Variants in LILRB1 observed in about 807,000 individuals in gnomAD.
LILRB1 encodes the protein leukocyte immunoglobulin-like receptor subfamily B member 1.
In LILRB1, 59 loss-of-function variants were observed where a neutral mutation model predicts 74.6. That is an observed-to-expected ratio of 0.79 (90% CI 0.64 to 0.98). The LOEUF is 0.98. LILRB1 is among the 50% of genes least tolerant of loss of function. The pLI is 0.00. For missense variants in LILRB1, 804 were observed against 822.6 expected, an observed-to-expected ratio of 0.98 and a Z score of 0.28; for synonymous variants, 328 against 333.9, an observed-to-expected ratio of 0.98 and a Z score of 0.19.
At chr19:54,631,859 C>G in intron 4 of LILRB1, 72 bp downstream of exon 4, 3 of 1,606,180 alleles carry the variant, frequency 1.9e-6, no homozygotes, top group Non-Finnish European at 2.6e-6. Context: ...AGGGGCTTCT[C>G]CCTCTCACAG....
intron 1 of LILRB1, among the ~76,000 whole-genome samples, chr19:54,620,584 C>T (rs866307061): frequency 6.6e-6 from 1 of 152,112 alleles, no homozygotes; most frequent in Non-Finnish European, 1.5e-5. Flanking sequence ...GGAGGTTATT[C>T]CAGAGAGAAC....
chr19:54,623,867 G>T (rs1332453041), intron 1 of LILRB1, among the ~76,000 whole-genome samples: 2 of 152,200 alleles, frequency 1.3e-5, no homozygotes, highest in Non-Finnish European at 2.9e-5. Context: ...GGCCCCGCAG[G>T]GAGGGTGACT....
Position 54,632,517 on chromosome 19 carries a change from G to T in LILRB1, c.715G>T (p.Glu239Ter). 1 of 1,614,088 alleles carries T rather than the reference G, an allele frequency of 6.2e-7. No homozygotes were observed. Among genetic ancestry groups the T allele is most frequent in the Non-Finnish European group, 8.5e-7 (1 of 1,179,974 alleles). The change falls in exon 6 of 15, where the codon GAG becomes TAG. Residue 239 changes from glutamate (E) to a stop codon, truncating the protein, a stop_gained. Transcript: ENST00000324602. LOFTEE classifies it high-confidence loss of function. ...GCAGCCAGGTCCTATCGTGGCCCCT[G>T]AGGAGACCCTGACTCTGCAGTGTGG... ...SVQPGPIVAP[E>*]ETLTLQCGSD...
In LILRB1 at chr19:54,631,106, C is replaced by T. The variant is rs143156834; in HGVS notation, c.33C>T (p.Leu11=). The T allele has an allele frequency of 5.2e-4, 841 of 1,614,126 alleles. 1 individual carries two copies. In the East Asian group the frequency reaches 0.015, roughly 28 times the overall value. Reference sequence around the variant, plus strand: ...CCATCCTCACGGTCCTGATCTGTCTCGGTGAGATTTGAAGAAGGAGGGGAG... The same window carrying T: ...CCATCCTCACGGTCCTGATCTGTCTTGGTGAGATTTGAAGAAGGAGGGGAG... MTPILTVLIC[L]GLSLGPRTHV... The change falls in exon 2 of 15, where the codon CTC becomes CTT. Residue 11 remains leucine, a splice_region_variant and synonymous_variant. Coordinates refer to ENST00000324602, the MANE Select transcript of LILRB1 (RefSeq NM_001081637.3).
chr19:54,636,325 G>A, intron 13 of LILRB1, 169 bp from the exon 14 acceptor site: 5 of 1,347,392 alleles, frequency 3.7e-6, no homozygotes, highest in Non-Finnish European at 5.0e-6. Flanking sequence ...GTGAGGAGCA[G>A]AGGCCAGAAC....
chr19:54,636,202 C>A, intron 13 of LILRB1: 1 of 593,966 alleles, frequency 1.7e-6, no homozygotes, highest in South Asian at 1.9e-5. Context: ...GCACACGATC[C>A]TCTGATGGAC....
intron 1 of LILRB1, among the ~76,000 whole-genome samples, chr19:54,618,977 G>C (rs758771362): frequency 3.6e-4 from 54 of 151,952 alleles, no homozygotes; most frequent in Non-Finnish European, 7.4e-4. Context: ...TTAAATAATA[G>C]ATATTAATTG....
intron 1 of LILRB1, among the ~76,000 whole-genome samples, chr19:54,619,458 C>T (rs1427641627): frequency 2.0e-5 from 3 of 152,066 alleles, no homozygotes; most frequent in Non-Finnish European, 4.4e-5. Context: ...TTGGTTAAAA[C>T]AAGGTTTTAG....
At chr19:54,621,348 A>T (rs2063450639) in intron 1 of LILRB1, among the ~76,000 whole-genome samples, 1 of 152,194 alleles carries the variant, frequency 6.6e-6, no homozygotes, top group South Asian at 2.1e-4. Context: ...GTTGGTTCTG[A>T]CTTCTTAAAA....
chr19:54,621,654 T>A (rs369090494), intron 1 of LILRB1, among the ~76,000 whole-genome samples: 4 of 152,188 alleles, frequency 2.6e-5, no homozygotes, highest in African/African-American at 9.7e-5. Flanking sequence ...GTTCATTCTG[T>A]TGATTGTTTC....
chr19:54,633,183 C>A lies in LILRB1; in HGVS notation c.1126C>A (p.Gln376Lys). The A allele has an allele frequency of 4.3e-6, 7 of 1,614,170 alleles. No individual in the cohort carries two copies. The highest frequency in any genetic ancestry group is 5.9e-6 in the Non-Finnish European group (7 of 1,180,006). ...GCGTCTAAGATCAACGTACCAATCT[C>A]AAAAATACCAGGCTGAATTCCCCAT... ...PWRLRSTYQS[Q>K]KYQAEFPMGP... The change falls in exon 7 of 15, where the codon CAA (glutamine) becomes AAA (lysine). Residue 376 changes from glutamine (Q) to lysine (K), a missense_variant. Gln to Lys is a moderately conservative substitution (Grantham distance 53, BLOSUM62 1). Transcript: ENST00000324602.
chr19:54,619,850 A>G (rs1282559837), intron 1 of LILRB1, among the ~76,000 whole-genome samples: 2 of 152,064 alleles, frequency 1.3e-5, no homozygotes. Context: ...ACACTAGCTA[A>G]GATGCCTTTG....
chr19:54,634,852 G>C, intron 10 of LILRB1, 89 bp downstream of exon 10: 1 of 1,546,722 alleles, frequency 6.5e-7, no homozygotes, highest in Non-Finnish European at 8.7e-7. Context: ...GGCAAATGCA[G>C]CTTTGAGAAA....
Position 54,636,861 on chromosome 19 carries a change from A to G in LILRB1, c.1942A>G (p.Thr648Ala), listed in dbSNP as rs1314681577. Residue 648 changes from threonine (T) to alanine (A), a missense_variant, in exon 15 of 15, where the codon ACT becomes GCT. By Grantham distance (58) the Thr-to-Ala change is moderately conservative. Transcript: ENST00000324602. ...TCCAGCTGTGCCCAGCATCTACGCCACTCTGGCCATCCACTAGCCCAGGGG... is the reference window on the plus strand; with the variant it reads ...TCCAGCTGTGCCCAGCATCTACGCCGCTCTGGCCATCCACTAGCCCAGGGG... ...PSPAVPSIYA[T>A]LAIH is the part of the protein sequence containing the mutation. 2 of 1,612,930 alleles carry G rather than the reference A, an allele frequency of 1.2e-6. No homozygotes were observed. Among genetic ancestry groups the G allele is most frequent in the Admixed American group, 1.7e-5 (1 of 59,970 alleles).
At chr19:54,632,879 G>A in intron 6 of LILRB1, 119 bp downstream of exon 6, 1 of 1,510,768 alleles carries the variant, frequency 6.6e-7, no homozygotes, top group South Asian at 1.2e-5. Context: ...GAGACAGACA[G>A]AGACAGGGGA....
chr19:54,616,997 T>G (rs1667436484), upstream of LILRB1, among the ~76,000 whole-genome samples: 1 of 152,068 alleles, frequency 6.6e-6, no homozygotes, highest in South Asian at 2.1e-4. Flanking sequence ...TTTTGGGCCC[T>G]CCTGGAGGTG....
chr19:54,635,553 G>A lies in LILRB1; in HGVS notation c.1601-4G>A. 6.2e-7 allele frequency: 1 copy of A among 1,612,378 alleles called. No homozygotes were observed. Among genetic ancestry groups the A allele is most frequent in the Non-Finnish European group, 8.5e-7 (1 of 1,179,056 alleles). Reference sequence around the variant, plus strand: ...GAGACAAACCCCTTGCTCTGCCCCAGCAGATGCTGCCGTGAAGCACACACA... The same window carrying A: ...GAGACAAACCCCTTGCTCTGCCCCAACAGATGCTGCCGTGAAGCACACACA... On this transcript the variant is annotated splice_polypyrimidine_tract_variant and splice_region_variant and intron_variant, in intron 12 of 14. Coordinates refer to ENST00000324602, the MANE Select transcript of LILRB1 (RefSeq NM_001081637.3).
rs2064565944 is a variant in LILRB1, at chr19:54,637,970, T to C, written c.*1092T>C. On this transcript the variant is annotated 3_prime_UTR_variant, in exon 15 of 15. Coordinates refer to ENST00000324602, the MANE Select transcript of LILRB1 (RefSeq NM_001081637.3). ...TTAGATGTGTGTGTGTGTGTATATATATGTGTGTGTGTGTGAAAAACATTG... is the reference window on the plus strand; with the variant it reads ...TTAGATGTGTGTGTGTGTGTATATACATGTGTGTGTGTGTGAAAAACATTG... 6.6e-6 allele frequency among the ~76,000 whole-genome samples: 1 copy of C among 152,178 alleles called. No individual in the cohort carries two copies. Among genetic ancestry groups the C allele is most frequent in the Non-Finnish European group, 1.5e-5 (1 of 68,032 alleles).
At chr19:54,629,827 A>G (rs1319548896), upstream of LILRB1, among the ~76,000 whole-genome samples, 1 of 152,226 alleles carries the variant, frequency 6.6e-6, no homozygotes, top group Non-Finnish European at 1.5e-5. Context: ...GGATCCATCT[A>G]CACTTGGGAA....
Sources: gnomAD v4.1 joint callset for allele counts (sites outside exome capture counted in the v4.1 genomes callset) on GRCh38, gnomAD v4.1.1 for gene constraint, MANE v1.5 for transcripts, NCBI Gene and HGNC (gene_info 2026-07-23, HGNC 2026-07-21) for gene names.